The following STPG2 variants were observed in gnomAD, a reference collection of about 807,000 sequenced individuals.
STPG2 encodes sperm-tail PG-rich repeat-containing protein 2.
A neutral mutation model predicts 54.2 loss-of-function variants in STPG2; 56 were observed. The ratio of observed to expected loss-of-function variants is 1.03; its 90% confidence interval spans 0.83 to 1.29. The LOEUF (loss-of-function observed/expected upper bound fraction) is 1.29. Ranked by LOEUF, STPG2 falls within the 50% of genes most tolerant of loss-of-function variation. The pLI is 0.00. For missense variants in STPG2, 596 were observed against 544.9 expected (o/e 1.09, Z -0.93); for synonymous variants, 200 against 181.8 (o/e 1.10, Z -0.81).
intron 8 of STPG2, among the ~76,000 whole-genome samples, chr4:97,902,542 T>G (rs532845072): frequency 1.8e-4 from 28 of 152,200 alleles, no homozygotes; most frequent in Non-Finnish European, 3.1e-4. Context: ...ATATATGAAC[T>G]AATGCTCAAC....
intron 2 of STPG2, among the ~76,000 whole-genome samples, chr4:98,130,951 C>CAAAAA (rs1560693211): frequency 9.9e-6 from 1 of 100,540 alleles, no homozygotes; most frequent in Non-Finnish European, 2.1e-5. Flanking sequence ...AAAAAAAAAA[C>CAAAAA]GACTTTCCAA....
intron 6 of STPG2, among the ~76,000 whole-genome samples, chr4:97,974,211 C>G (rs1273457077): frequency 6.6e-6 from 1 of 152,148 alleles, no homozygotes; most frequent in Non-Finnish European, 1.5e-5. Flanking sequence ...TTGCATAGGG[C>G]CTGTAGCCCC....
At chr4:97,592,551 T>A (rs1362080330) in intron 10 of STPG2, among the ~76,000 whole-genome samples, 1 of 152,128 alleles carries the variant, frequency 6.6e-6, no homozygotes, top group Admixed American at 6.5e-5. Flanking sequence ...AACAGCCAAC[T>A]AGCTGTAGCC....
intron 9 of STPG2, among the ~76,000 whole-genome samples, chr4:97,758,267 CTT>C (rs1201613369): frequency 2.6e-5 from 4 of 152,220 alleles, no homozygotes; most frequent in African/African-American, 9.6e-5. Context: ...CAAAAGGACT[CTT>C]ATAAAATAAC....
intron 4 of STPG2, among the ~76,000 whole-genome samples, chr4:97,451,699 T>G (rs1196341005): frequency 6.6e-6 from 1 of 152,128 alleles, no homozygotes; most frequent in Non-Finnish European, 1.5e-5. Flanking sequence ...TTGCAAAGGA[T>G]TATAAGACAA....
At chr4:97,959,516 G>T (rs1733807796) in intron 7 of STPG2, among the ~76,000 whole-genome samples, 2 of 152,008 alleles carry the variant, frequency 1.3e-5, no homozygotes, top group Non-Finnish European at 2.9e-5. Context: ...AACAAAATGG[G>T]ACATATTACA....
chr4:98,053,346 T>C (rs1274818137), intron 5 of STPG2, among the ~76,000 whole-genome samples: 3 of 152,296 alleles, frequency 2.0e-5, no homozygotes, highest in Admixed American at 2.0e-4. Context: ...CAACCCTTCA[T>C]GTAAACACAT....
intron 9 of STPG2, 109 bp downstream of exon 9, chr4:97,840,664 T>C: frequency 7.9e-7 from 1 of 1,261,442 alleles, no homozygotes; most frequent in South Asian, 1.6e-5. Flanking sequence ...TTATACATTA[T>C]TTTGCTTAAC....
intron 6 of STPG2, among the ~76,000 whole-genome samples, chr4:97,980,633 T>C (rs1475344478): frequency 6.6e-6 from 1 of 152,166 alleles, no homozygotes; most frequent in Non-Finnish European, 1.5e-5. Flanking sequence ...AATAATGATA[T>C]ATAATAGAAA....
chr4:98,028,410 T>G, intron 5 of STPG2, among the ~76,000 whole-genome samples: 1 of 152,182 alleles, frequency 6.6e-6, no homozygotes, highest in South Asian at 2.1e-4. Context: ...TTACAAAGTC[T>G]AGTTTCCACA....
At chr4:97,960,180 C>T (rs1371874097) in intron 7 of STPG2, among the ~76,000 whole-genome samples, 2 of 152,006 alleles carry the variant, frequency 1.3e-5, no homozygotes, top group Non-Finnish European at 2.9e-5. Context: ...TCAAAATCAG[C>T]ATAGAAGGGA....
In STPG2 at chr4:98,017,182, G is replaced by A. The variant is rs1207382454; in HGVS notation, c.613-35864C>T. On this transcript the variant is annotated intron_variant, in intron 5 of 10. Transcript: ENST00000295268. ...TGAGGATGGCTTGGTGTTAGGACAGGCCTAGAGCGTGGATCTGCAAGTACC... is the reference window on the plus strand; with the variant it reads ...TGAGGATGGCTTGGTGTTAGGACAGACCTAGAGCGTGGATCTGCAAGTACC... Among the ~76,000 whole-genome samples the A allele has an allele frequency of 3.3e-5, 5 of 152,220 alleles. 1 individual carries two copies. The South Asian group carries it at 1.0e-3, about 32-fold the overall frequency.
At chr4:97,951,230 G>A (rs568408216) in intron 7 of STPG2, among the ~76,000 whole-genome samples, 11 of 152,192 alleles carry the variant, frequency 7.2e-5, no homozygotes, top group Non-Finnish European at 8.8e-5. Context: ...ACTCATTTGA[G>A]TAATAATAAA....
chr4:97,954,138 T>C (rs1484924377), intron 7 of STPG2, among the ~76,000 whole-genome samples: 1 of 152,240 alleles, frequency 6.6e-6, no homozygotes, highest in Non-Finnish European at 1.5e-5. Flanking sequence ...GCTTTGGCTC[T>C]AGAGGAAATG....
intron 4 of STPG2, among the ~76,000 whole-genome samples, chr4:97,500,843 T>C (rs1296024176): frequency 6.6e-6 from 1 of 152,036 alleles, no homozygotes; most frequent in East Asian, 1.9e-4. Context: ...AGTGAAGGCC[T>C]ACTGAGTTGC....
intron 4 of STPG2, among the ~76,000 whole-genome samples, chr4:97,536,137 G>A (rs1447165593): frequency 6.6e-6 from 1 of 152,124 alleles, no homozygotes; most frequent in Non-Finnish European, 1.5e-5. Context: ...CACCATGCCT[G>A]CAAAATTAAA....
intron 10 of STPG2, among the ~76,000 whole-genome samples, chr4:97,704,093 G>A (rs1310555296): frequency 6.6e-6 from 1 of 151,944 alleles, no homozygotes; most frequent in African/African-American, 2.4e-5. Context: ...GATTAACGGT[G>A]GGTCTGCCTT....
At chr4:98,112,272 A>C (rs990355624) in intron 3 of STPG2, among the ~76,000 whole-genome samples, 8 of 152,136 alleles carry the variant, frequency 5.3e-5, no homozygotes, top group Non-Finnish European at 8.8e-5. Flanking sequence ...GTATTTAGAT[A>C]CACAAATACC....
At chr4:98,004,580 G>A (rs1242061717) in intron 5 of STPG2, among the ~76,000 whole-genome samples, 1 of 152,074 alleles carries the variant, frequency 6.6e-6, no homozygotes, top group Non-Finnish European at 1.5e-5. Flanking sequence ...TCCCATAACG[G>A]CTGTACCAAT....
Sources: allele counts gnomAD v4.1 joint callset (sites outside exome capture counted in the v4.1 genomes callset), GRCh38; gene constraint gnomAD v4.1.1; transcripts MANE v1.5; gene names NCBI Gene and HGNC (gene_info 2026-07-23, HGNC 2026-07-21).